SGK1: variants seen among roughly 807,000 people sequenced by gnomAD.
SGK1 encodes the protein serine/threonine-protein kinase Sgk1.
Under a neutral mutation model 64.2 loss-of-function variants are expected in SGK1, and 26 were observed. That is an observed-to-expected ratio of 0.40 (90% CI 0.30 to 0.56). The LOEUF is 0.56. Among genes scored for constraint, SGK1 ranks in the 20% least tolerant of loss-of-function variants. The probability of loss-of-function intolerance (pLI) is 0.38; values close to 1 mark genes in which losing one functional copy is unlikely to be tolerated. For synonymous variants in SGK1, 265 were observed against 239.7 expected (o/e 1.11, Z -0.98); for missense variants, 519 against 645.6 (o/e 0.80, Z 2.12).
intron 2 of SGK1, among the ~76,000 whole-genome samples, chr6:134,232,189 C>T (rs145278826): frequency 1.4e-4 from 21 of 151,508 alleles, no homozygotes; most frequent in African/African-American, 5.1e-4. Context: ...GAGTTCGGAC[C>T]AGCCTGGCCA....
rs117242714 is a variant in SGK1, at chr6:134,318,088, G to A, written c.-628C>T. On this transcript the variant is annotated 5_prime_UTR_variant, in exon 1 of 14. Transcript: ENST00000367858. ...AGCGGATGGAGAGAAGGCACAGCCG[G>A]CTCAGGGCACACTGAAGAGCAGTTG... 3,310 of 152,486 alleles carry A rather than the reference G, an allele frequency of 0.022. 58 individuals carry two copies. Among genetic ancestry groups the A allele is most frequent in the Non-Finnish European group, 0.032 (2,186 of 68,110 alleles). 9.4% of individuals were successfully genotyped at this position (152,486 alleles called of 1,614,324 possible).
At chr6:134,258,738 G>A (rs1776720993) in intron 2 of SGK1, among the ~76,000 whole-genome samples, 1 of 152,044 alleles carries the variant, frequency 6.6e-6, no homozygotes, top group African/African-American at 2.4e-5. Context: ...AAAAGGCTTA[G>A]GCCTGTAATC....
At chr6:134,297,303 T>A in intron 1 of SGK1, 1 of 1,252,156 alleles carries the variant, frequency 8.0e-7, no homozygotes, top group Middle Eastern at 2.1e-4. Flanking sequence ...CAGCTCCTGG[T>A]ACACACGCAG....
intron 1 of SGK1, among the ~76,000 whole-genome samples, chr6:134,284,369 A>G (rs2114773719): frequency 6.6e-6 from 1 of 152,324 alleles, no homozygotes; most frequent in South Asian, 2.1e-4. Flanking sequence ...TGCTGGGATT[A>G]AAGGCCTGAG....
At chr6:134,193,904 A>AG (rs75631187) in intron 3 of SGK1, among the ~76,000 whole-genome samples, 56,900 of 144,816 alleles carry the variant, frequency 0.39, 12,220 homozygotes, top group East Asian at 0.56. Context: ...ATTCCACTTG[A>AG]GGTGGTAGAC....
intron 3 of SGK1, among the ~76,000 whole-genome samples, chr6:134,202,225 A>G (rs868662216): frequency 5.3e-5 from 8 of 152,354 alleles, no homozygotes; most frequent in African/African-American, 1.7e-4. Context: ...AGAAAAACAA[A>G]GTAGCCACGC....
intron 2 of SGK1, among the ~76,000 whole-genome samples, chr6:134,247,436 C>G (rs1200411250): frequency 6.6e-6 from 1 of 152,152 alleles, no homozygotes; most frequent in African/African-American, 2.4e-5. Flanking sequence ...CACAAAGCCA[C>G]AAACACAGAA....
intron 2 of SGK1, among the ~76,000 whole-genome samples, chr6:134,219,294 G>A (rs1257994196): frequency 1.3e-5 from 2 of 151,962 alleles, no homozygotes; most frequent in Admixed American, 1.3e-4. Flanking sequence ...TTACAGGCAT[G>A]AGCCACCGTG....
At chr6:134,189,588 T>C (rs1775476850) in intron 3 of SGK1, among the ~76,000 whole-genome samples, 1 of 152,244 alleles carries the variant, frequency 6.6e-6, no homozygotes, top group African/African-American at 2.4e-5. Flanking sequence ...ACTATTTCCA[T>C]CAATTAGTAT....
intron 13 of SGK1, 109 bp downstream of exon 13, chr6:134,170,717 G>A (rs1774987517): frequency 1.2e-6 from 1 of 803,654 alleles, no homozygotes; most frequent in Non-Finnish European, 2.0e-6. Context: ...ACAGGTTTAT[G>A]GAGAAAACAT....
At chr6:134,257,590 A>C (rs907970900) in intron 2 of SGK1, among the ~76,000 whole-genome samples, 5 of 150,376 alleles carry the variant, frequency 3.3e-5, no homozygotes, top group Non-Finnish European at 5.9e-5. Context: ...TTTCTTGTTT[A>C]TTTTCACTTA....
intron 3 of SGK1, among the ~76,000 whole-genome samples, chr6:134,205,396 T>C (rs558230555): frequency 6.6e-6 from 1 of 151,984 alleles, no homozygotes; most frequent in African/African-American, 2.4e-5. Context: ...ACAGATGAAA[T>C]TGATAATGTT....
Position 134,171,163 on chromosome 6 carries a change from G to C in SGK1, c.1183C>G (p.Arg395Gly), listed in dbSNP as rs780434638. Reference protein sequence around the residue: ...MLYGLPPFYSRNTAEMYDNIL... With the variant: ...MLYGLPPFYSGNTAEMYDNIL... The stretch of plus-strand genomic sequence containing the variant: ...TTGTCGTACATTTCAGCTGTGTTTC[G>C]GCTATAAAAAGGCGGCTGAAAGAAG... Residue 395 changes from arginine to glycine, a missense_variant, in exon 12 of 14, where the codon CGA becomes GGA. Around this residue, in one of 2 missense-constraint regions of SGK1, gnomAD observed 278 missense variants for 408.7 expected, o/e 0.68. Coordinates refer to ENST00000367858, the MANE Select transcript of SGK1 (RefSeq NM_001143676.3). The C allele has an allele frequency of 1.2e-6, 2 of 1,613,944 alleles. No homozygotes were observed. Among genetic ancestry groups the C allele is most frequent in the Admixed American group, 1.7e-5 (1 of 59,968 alleles).
rs1468215237 is a variant in SGK1 at position 134,189,203 on chromosome 6, C to T, written c.362-14617G>A. Among the ~76,000 whole-genome samples the T allele has an allele frequency of 5.6e-5, 6 of 106,946 alleles. No individual in the cohort carries two copies. The South Asian group carries it at 1.3e-3, about 24-fold the overall frequency. The allele number at this position is 106,946 out of a possible 152,430, so 70.2% of individuals were successfully genotyped here. ...CTGCATATTAACTACCTCTTTTATA[C>T]AGGTGTGTGTGTGTGTGTGTGTGTG... On this transcript the variant is annotated intron_variant, in intron 3 of 13. Transcript: ENST00000367858.
intron 3 of SGK1, 26 bp from the exon 4 acceptor site, chr6:134,174,612 G>C (rs1416253047): frequency 1.2e-6 from 2 of 1,610,274 alleles, no homozygotes; most frequent in Admixed American, 1.7e-5. Context: ...GAGAAATAAA[G>C]AAACGTTTAG....
At chr6:134,300,084 TTC>T (rs1582772917) in intron 1 of SGK1, among the ~76,000 whole-genome samples, 1 of 152,202 alleles carries the variant, frequency 6.6e-6, no homozygotes, top group South Asian at 2.1e-4. Flanking sequence ...GGAAGTACTT[TTC>T]TCTCTCAATG....
At chr6:134,217,414 C>T (rs1369990823) in intron 2 of SGK1, among the ~76,000 whole-genome samples, 2 of 152,140 alleles carry the variant, frequency 1.3e-5, no homozygotes, top group African/African-American at 2.4e-5. Flanking sequence ...CTGAGGGCTT[C>T]CTGAGAGCAG....
At chr6:134,217,250 A>G (rs1367454031) in intron 2 of SGK1, among the ~76,000 whole-genome samples, 1 of 152,122 alleles carries the variant, frequency 6.6e-6, no homozygotes, top group Non-Finnish European at 1.5e-5. Flanking sequence ...AATCCAAAAC[A>G]TTTCATGGCT....
chr6:134,193,833 G>GGGAGGGGAGGGGAGGA, intron 3 of SGK1, among the ~76,000 whole-genome samples: 1 of 74,846 alleles, frequency 1.3e-5, no homozygotes, highest in African/African-American at 5.5e-5. Context: ...GAGAGGGGAG[G>GGGAGGGGAGGGGAGGA]GAAGGGGAGG....
Sources: allele counts gnomAD v4.1 joint callset (sites outside exome capture counted in the v4.1 genomes callset), GRCh38; gene constraint gnomAD v4.1.1; regional missense constraint gnomAD v4.1.1; transcripts MANE v1.5; gene names NCBI Gene and HGNC (gene_info 2026-07-23, HGNC 2026-07-21).